The following GRIP2 variants were observed in gnomAD, a reference collection of about 807,000 sequenced individuals.
GRIP2 encodes the protein glutamate receptor interacting protein 2.
A neutral mutation model predicts 108.3 loss-of-function variants in GRIP2; 58 were observed. The ratio of observed to expected loss-of-function variants is 0.54; its 90% confidence interval spans 0.43 to 0.67. The LOEUF is 0.67. Among genes scored for constraint, GRIP2 ranks in the 30% least tolerant of loss-of-function variants. GRIP2 has a pLI of 0.00. For missense variants in GRIP2, 1,278 were observed against 1,430.6 expected, an observed-to-expected ratio of 0.89 and a Z score of 1.72; for synonymous variants, 586 against 598.2, an observed-to-expected ratio of 0.98 and a Z score of 0.30.
Position 14,513,726 on chromosome 3 carries a change from C to A in GRIP2, c.1578G>T (p.Gln526His). The A allele has an allele frequency of 1.2e-6, 2 of 1,610,978 alleles. No individual in the cohort carries two copies. Among genetic ancestry groups the A allele is most frequent in the Non-Finnish European group, 1.7e-6 (2 of 1,178,738 alleles). ...TEDGTMEEANQLLRDAALAHK... is the reference protein window; with the variant it reads ...TEDGTMEEANHLLRDAALAHK... ...GGGCCAGTGCGGCGTCCCGCAGGAGCTGGTTGGCTTCCTCCATAGTCCCGT... is the reference window on the plus strand; with the variant it reads ...GGGCCAGTGCGGCGTCCCGCAGGAGATGGTTGGCTTCCTCCATAGTCCCGT... The change falls in exon 13 of 24, where the codon CAG becomes CAT. Residue 526 changes from glutamine (Q) to histidine (H), a missense_variant. Physicochemically the swap from Gln to His is conservative, Grantham distance 24. Coordinates refer to ENST00000621039, the MANE Select transcript of GRIP2 (RefSeq NM_001080423.4).
chr3:14,573,581 C>A, the GRIP2 span: 1 of 1,441,290 alleles, frequency 6.9e-7, no homozygotes, highest in Non-Finnish European at 9.7e-7. Context: ...CACAGTACTC[C>A]CGGGAGGTGA....
At chr3:14,494,807 G>T (rs773601341) in intron 23 of GRIP2, 36 bp downstream of exon 23, 23 of 1,593,880 alleles carry the variant, frequency 1.4e-5, no homozygotes, top group Non-Finnish European at 2.0e-5. Context: ...AGGAAACAAT[G>T]CCACCCCCAC....
At chr3:14,563,653 G>A in the GRIP2 span, among the ~76,000 whole-genome samples, 1 of 152,044 alleles carries the variant, frequency 6.6e-6, no homozygotes, top group Non-Finnish European at 1.5e-5. Flanking sequence ...GGGGTGTAGG[G>A]GAAGGGCACA....
the GRIP2 span, among the ~76,000 whole-genome samples, chr3:14,566,632 G>C: frequency 0.041 from 6,182 of 152,298 alleles, 192 homozygotes; most frequent in Middle Eastern, 0.092. Flanking sequence ...AGTGTTCAAA[G>C]GGACAGTGTA....
At chr3:14,568,270 A>C in the GRIP2 span, among the ~76,000 whole-genome samples, 2 of 152,196 alleles carry the variant, frequency 1.3e-5, no homozygotes, top group African/African-American at 4.8e-5. Context: ...TGGGAAGACC[A>C]GTGAAGAGGC....
intron 1 of GRIP2, among the ~76,000 whole-genome samples, chr3:14,555,645 G>A (rs1473113182): frequency 1.3e-5 from 2 of 151,946 alleles, no homozygotes; most frequent in Non-Finnish European, 2.9e-5. Context: ...GAAGAGAGAG[G>A]AAGGGACCCA....
In GRIP2 at chr3:14,505,299, A is replaced by G. The variant is rs1031827925; in HGVS notation, c.2573+316T>C. Among the ~76,000 whole-genome samples the G allele has an allele frequency of 6.6e-6, 1 of 152,110 alleles. No individual in the cohort carries two copies. Among genetic ancestry groups the G allele is most frequent in the African/African-American group, 2.4e-5 (1 of 41,422 alleles). On this transcript the variant is annotated intron_variant, in intron 20 of 23. Coordinates refer to ENST00000621039, the MANE Select transcript of GRIP2 (RefSeq NM_001080423.4). The surrounding 1 kb of genome is among the most constrained non-coding windows in gnomAD (Gnocchi z 4.2). Reference sequence around the variant, plus strand: ...GGAGGCCATCAGGCCATCTGGGGTAAGTCAGGTGGGCCTGGGTTCAAGTTC... The same window carrying G: ...GGAGGCCATCAGGCCATCTGGGGTAGGTCAGGTGGGCCTGGGTTCAAGTTC...
chr3:14,520,735 G>C, intron 7 of GRIP2, 198 bp from the exon 8 acceptor site: 2 of 621,086 alleles, frequency 3.2e-6, no homozygotes, highest in South Asian at 4.1e-5. Flanking sequence ...TAAGATAGCA[G>C]TGGAGGAGGG....
At chr3:14,593,666 C>T in the GRIP2 span, among the ~76,000 whole-genome samples, 2 of 152,236 alleles carry the variant, frequency 1.3e-5, no homozygotes, top group Non-Finnish European at 2.9e-5. Flanking sequence ...AGGTTGACAA[C>T]ATCCCTCATA....
Position 14,511,547 on chromosome 3 carries a change from G to A in GRIP2, c.1721-68C>T, listed in dbSNP as rs1458047758. ...CCTGGGGTGGGGTGGCGAAGCCCAG[G>A]GGTCTGAGTGTGGACTCGGAGCCAC... On this transcript the variant is annotated intron_variant, in intron 14 of 23. Coordinates refer to ENST00000621039, the MANE Select transcript of GRIP2 (RefSeq NM_001080423.4). This position sits in a 1 kb window ranked among gnomAD's most constrained non-coding sequence, Gnocchi z 4.1. 6.7e-7 allele frequency: 1 copy of A among 1,486,040 alleles called. No individual in the cohort carries two copies. Among genetic ancestry groups the A allele is most frequent in the Non-Finnish European group, 9.3e-7 (1 of 1,073,230 alleles). The allele number at this position is 1,486,040 out of a possible 1,614,324, so 92.1% of individuals were successfully genotyped here. A position where few individuals can be genotyped will look rare whatever the true frequency, so the allele number is the denominator to read the frequency against.
intron 21 of GRIP2, among the ~76,000 whole-genome samples, chr3:14,501,594 A>G (rs1693765813): frequency 1.3e-5 from 2 of 152,242 alleles, no homozygotes; most frequent in South Asian, 4.1e-4. Context: ...CTAAAAAAGC[A>G]GTCTACAAAA....
rs1314356301 is a variant in GRIP2 at position 14,503,649 on chromosome 3, C to T, written c.2596G>A (p.Glu866Lys). ...PTSPAPGPAR[E>K]EGFWRMFGEA... is the part of the protein sequence containing the mutation. ...CCAAACATGCGCCAGAAGCCCTCCT[C>T]TCGGGCAGGGCCAGGGGCTGGGCTG... Residue 866 changes from glutamate to lysine, a missense_variant, in exon 21 of 24, where the codon GAG (glutamate) becomes AAG (lysine). Physicochemically the swap from Glu to Lys is moderately conservative, Grantham distance 56 (BLOSUM62 1). Transcript: ENST00000621039. 1 of 1,522,456 alleles carries T rather than the reference C, an allele frequency of 6.6e-7. No individual in the cohort carries two copies. The highest frequency in any genetic ancestry group is 8.9e-7 in the Non-Finnish European group (1 of 1,123,022). The allele number at this position is 1,522,456 out of a possible 1,614,324, so 94.3% of individuals were successfully genotyped here.
At position 14,522,867 on chromosome 3, in the gene GRIP2, C is replaced by T. The variant is rs1026703761; in HGVS notation, c.566+133G>A. 46 of 727,446 alleles carry T rather than the reference C, an allele frequency of 6.3e-5. No homozygotes were observed. Among genetic ancestry groups the T allele is most frequent in the Admixed American group, 3.6e-4 (16 of 44,236 alleles). The allele number at this position is 727,446 out of a possible 1,614,324, so 45.1% of individuals were successfully genotyped here. A position where few individuals can be genotyped will look rare whatever the true frequency, so the allele number is the denominator to read the frequency against. ...CCATCAACAACTCCCTGAATGACAC[C>T]GGGCAGGGAGTGTTCCCTCAGGGCC... is the stretch of plus-strand genomic sequence containing the variant. On this transcript the variant is annotated intron_variant, in intron 6 of 23. Coordinates refer to ENST00000621039, the MANE Select transcript of GRIP2 (RefSeq NM_001080423.4). This position sits in a 1 kb window ranked among gnomAD's most constrained non-coding sequence, Gnocchi z 4.3.
At chr3:14,564,481 G>A in the GRIP2 span, among the ~76,000 whole-genome samples, 1 of 152,226 alleles carries the variant, frequency 6.6e-6, no homozygotes, top group Non-Finnish European at 1.5e-5. Context: ...AGGGGGTTCA[G>A]AGTCAAACAG....
chr3:14,514,652 C>G (rs1261837778), intron 11 of GRIP2, among the ~76,000 whole-genome samples, 174 bp from the exon 12 acceptor site: 1 of 152,206 alleles, frequency 6.6e-6, no homozygotes, highest in African/African-American at 2.4e-5. Flanking sequence ...GCTTCCTCAT[C>G]TGAACAATGG....
Position 14,524,448 on chromosome 3 carries a change from G to C in GRIP2, c.348C>G (p.Leu116=). The change falls in exon 4 of 24, where the codon CTC becomes CTG. Residue 116 remains leucine, a synonymous_variant. Transcript: ENST00000621039. Reference sequence around the variant, plus strand: ...GCACCACGCGCTCGCCCACATTCTTGAGCAGGGTGATGATCTCATCGTGGC... The same window carrying C: ...GCACCACGCGCTCGCCCACATTCTTCAGCAGGGTGATGATCTCATCGTGGC... ...RLRHDEIITL[L]KNVGERVVLE... The C allele has an allele frequency of 6.2e-7, 1 of 1,603,786 alleles. No homozygotes were observed. Among genetic ancestry groups the C allele is most frequent in the Non-Finnish European group, 8.5e-7 (1 of 1,175,532 alleles).
Position 14,505,549 on chromosome 3 carries a change from C to T in GRIP2, c.2573+66G>A. ...CATTCCCCCACCACTTTGGCACAGG[C>T]ACCCTCGCCCACCCCAGCCAAGACA... On this transcript the variant is annotated intron_variant, in intron 20 of 23. Coordinates refer to ENST00000621039, the MANE Select transcript of GRIP2 (RefSeq NM_001080423.4). This position sits in a 1 kb window ranked among gnomAD's most constrained non-coding sequence, Gnocchi z 4.2. The T allele has an allele frequency of 2.6e-6, 4 of 1,527,902 alleles. No individual in the cohort carries two copies. Among genetic ancestry groups the T allele is most frequent in the Non-Finnish European group, 3.5e-6 (4 of 1,128,106 alleles). 94.6% of individuals were successfully genotyped at this position (1,527,902 alleles called of 1,614,324 possible).
At chr3:14,563,869 T>C in the GRIP2 span, among the ~76,000 whole-genome samples, 1 of 152,160 alleles carries the variant, frequency 6.6e-6, no homozygotes, top group Admixed American at 6.5e-5. Flanking sequence ...TGCCCTAAAA[T>C]GAAGACGGGA....
the GRIP2 span, chr3:14,574,253 G>T: frequency 1.1e-6 from 1 of 880,646 alleles, no homozygotes; most frequent in Non-Finnish European, 1.9e-6. Flanking sequence ...CGAAGCTGTC[G>T]ATGTGCTTGT....
Sources: allele counts gnomAD v4.1 joint callset (sites outside exome capture counted in the v4.1 genomes callset), GRCh38; gene constraint gnomAD v4.1.1; non-coding constraint Gnocchi (gnomAD v3.1); transcripts MANE v1.5; gene names NCBI Gene and HGNC (gene_info 2026-07-23, HGNC 2026-07-21).